Variants in SLC4A5 observed in about 807,000 individuals in gnomAD.
SLC4A5 encodes solute carrier family 4 member 5.
In SLC4A5, 96 loss-of-function variants were observed where a neutral mutation model predicts 120.4. That is an observed-to-expected ratio of 0.80 (90% CI 0.68 to 0.94). The LOEUF is 0.94. Among genes scored for constraint, SLC4A5 ranks in the 40% least tolerant of loss-of-function variants. The probability of loss-of-function intolerance (pLI) is 0.00; values close to 1 mark genes in which losing one functional copy is unlikely to be tolerated. For synonymous variants in SLC4A5, 550 were observed against 571.1 expected (o/e 0.96, Z 0.53); for missense variants, 1,259 against 1,459.5 (o/e 0.86, Z 2.24).
intron 28 of SLC4A5, among the ~76,000 whole-genome samples, chr2:74,224,513 G>A (rs575190002): frequency 6.6e-6 from 1 of 152,262 alleles, no homozygotes; most frequent in East Asian, 1.9e-4. Flanking sequence ...CTTCCATGCT[G>A]GAGCTGCCTC....
At chr2:74,229,132 C>T (rs1487731813) in intron 25 of SLC4A5, among the ~76,000 whole-genome samples, 4 of 34,314 alleles carry the variant, frequency 1.2e-4, no homozygotes, top group Admixed American at 4.1e-4. Flanking sequence ...GACAGAGTCT[C>T]GATATGTTGG....
At chr2:74,275,264 G>A (rs78421767) in intron 8 of SLC4A5, among the ~76,000 whole-genome samples, 1 of 152,192 alleles carries the variant, frequency 6.6e-6, no homozygotes, top group African/African-American at 2.4e-5. Flanking sequence ...TTTGGTGAAG[G>A]GTCCATCCTC....
At chr2:74,305,157 G>A (rs905777288) in intron 6 of SLC4A5, among the ~76,000 whole-genome samples, 3 of 152,096 alleles carry the variant, frequency 2.0e-5, no homozygotes, top group Non-Finnish European at 4.4e-5. Flanking sequence ...TCACAAAGCT[G>A]GCTTTGTAAA....
chr2:74,306,168 C>G (rs1245632034), intron 6 of SLC4A5, among the ~76,000 whole-genome samples: 1 of 152,212 alleles, frequency 6.6e-6, no homozygotes, highest in Non-Finnish European at 1.5e-5. Flanking sequence ...CCACCTAAAT[C>G]CAAAGGGCAT....
exon 6 of SLC4A5, chr2:74,314,983 T>G (rs1212383507): frequency 1.2e-6 from 2 of 1,613,990 alleles, no homozygotes; most frequent in South Asian, 2.2e-5. Context: ...GTTAGTGTGG[T>G]CCAGCTTTCC....
At chr2:74,329,064 G>T (rs1189538824) in intron 4 of SLC4A5, among the ~76,000 whole-genome samples, 1 of 152,106 alleles carries the variant, frequency 6.6e-6, no homozygotes, top group Non-Finnish European at 1.5e-5. Context: ...CCAGCCAAAA[G>T]GATGGCTGCT....
At position 74,252,165 on chromosome 2, in the gene SLC4A5, C is replaced by A; in HGVS notation, c.1478+14G>T. 6.2e-7 allele frequency: 1 copy of A among 1,610,726 alleles called. No homozygotes were observed. Among genetic ancestry groups the A allele is most frequent in the Non-Finnish European group, 8.5e-7 (1 of 1,178,702 alleles). ...AAAGGACAGCAGGGTCACTGGGAGG[C>A]CTGGGGTGGGCACCTTCCTGTCCAG... is the stretch of plus-strand genomic sequence containing the variant. On this transcript the variant is annotated intron_variant, in intron 16 of 30. Transcript: ENST00000394019.
chr2:74,276,514 G>A (rs1671644148), intron 8 of SLC4A5, among the ~76,000 whole-genome samples: 1 of 152,140 alleles, frequency 6.6e-6, no homozygotes, highest in South Asian at 2.1e-4. Context: ...ACAGAGATGG[G>A]GTGTGGTCTC....
intron 3 of SLC4A5, among the ~76,000 whole-genome samples, chr2:74,335,828 AAGACATC>A (rs1483848675): frequency 6.6e-6 from 1 of 152,230 alleles, no homozygotes; most frequent in Non-Finnish European, 1.5e-5. Flanking sequence ...AACACATAAT[AAGACATC>A]ATATTTCTGG....
intron 5 of SLC4A5, among the ~76,000 whole-genome samples, chr2:74,327,024 C>T (rs1673233572): frequency 6.6e-6 from 1 of 152,174 alleles, no homozygotes; most frequent in Non-Finnish European, 1.5e-5. Flanking sequence ...TCCACAAGGA[C>T]ACATCAATTC....
intron 7 of SLC4A5, among the ~76,000 whole-genome samples, chr2:74,298,611 A>C (rs1235857863): frequency 6.6e-6 from 1 of 152,222 alleles, no homozygotes; most frequent in Non-Finnish European, 1.5e-5. Context: ...ATGGCAAAGG[A>C]AACAATCAAC....
chr2:74,305,721 C>CT (rs35627197), intron 6 of SLC4A5, among the ~76,000 whole-genome samples: 6,642 of 115,356 alleles, frequency 0.058, 550 homozygotes, highest in African/African-American at 0.16. Context: ...CTTTTCTTTC[C>CT]TTTTTTTTTT....
At chr2:74,316,935 G>A (rs758842968) in intron 5 of SLC4A5, among the ~76,000 whole-genome samples, 6 of 152,220 alleles carry the variant, frequency 3.9e-5, no homozygotes, top group South Asian at 2.1e-4. Flanking sequence ...ACCTTCTAAC[G>A]TATAATGCCT....
intron 7 of SLC4A5, among the ~76,000 whole-genome samples, chr2:74,296,231 C>A (rs573620868): frequency 3.9e-4 from 59 of 152,132 alleles, no homozygotes; most frequent in Non-Finnish European, 7.4e-4. Context: ...TGTTAAAGGG[C>A]AAGAAGAGAG....
At chr2:74,236,856 C>T (rs1212243859) in intron 21 of SLC4A5, among the ~76,000 whole-genome samples, 2 of 152,168 alleles carry the variant, frequency 1.3e-5, no homozygotes, top group East Asian at 1.9e-4. Context: ...TTCCCACCTA[C>T]TGCTTTCCAT....
Position 74,255,639 on chromosome 2 carries a change from G to A in SLC4A5, c.1025+136C>T. The A allele has an allele frequency of 9.7e-7, 1 of 1,033,116 alleles. No individual in the cohort carries two copies. Among genetic ancestry groups the A allele is most frequent in the Non-Finnish European group, 1.4e-6 (1 of 719,974 alleles). 64.0% of individuals were successfully genotyped at this position (1,033,116 alleles called of 1,614,324 possible). ...AAACTCTAAAACTCTTCCCTAGTCA[G>A]AAGATTTCCCTTCCCAGCAGCCTCC... On this transcript the variant is annotated intron_variant, in intron 13 of 30. Coordinates refer to ENST00000394019, the Ensembl canonical transcript of SLC4A5. The surrounding 1 kb of genome is among the most constrained non-coding windows in gnomAD (Gnocchi z 4.0).
intron 25 of SLC4A5, among the ~76,000 whole-genome samples, chr2:74,230,698 G>T (rs545624306): frequency 6.6e-6 from 1 of 152,280 alleles, no homozygotes; most frequent in African/African-American, 2.4e-5. Flanking sequence ...TGGGATGGGT[G>T]GGAGAGAGGA....
chr2:74,249,146 C>T (rs1670712291), intron 17 of SLC4A5, among the ~76,000 whole-genome samples: 2 of 152,212 alleles, frequency 1.3e-5, no homozygotes, highest in African/African-American at 4.8e-5. Flanking sequence ...ACAATGAAAA[C>T]TGTCTCTAGA....
At position 74,307,993 on chromosome 2, in the gene SLC4A5, G is replaced by A. The variant is rs970656256; in HGVS notation, c.80-3313C>T. 18 of 553,472 alleles carry A rather than the reference G, an allele frequency of 3.3e-5. No individual in the cohort carries two copies. The East Asian group carries it at 5.1e-4, about 16-fold the overall frequency. 34.3% of individuals were successfully genotyped at this position (553,472 alleles called of 1,614,324 possible). A position where few individuals can be genotyped will look rare whatever the true frequency, so the allele number is the denominator to read the frequency against. ...CAGTAGTTGGAGGAGAAGGTGGAAC[G>A]AGTGGTGAAGCTCATGCTGTCCGGG... On this transcript the variant is annotated intron_variant, in intron 6 of 30. Coordinates refer to ENST00000394019, the Ensembl canonical transcript of SLC4A5.
Sources: gnomAD v4.1 joint callset for allele counts (sites outside exome capture counted in the v4.1 genomes callset) on GRCh38, gnomAD v4.1.1 for gene constraint, Gnocchi (gnomAD v3.1) non-coding constraint, MANE v1.5 for transcripts, NCBI Gene and HGNC (gene_info 2026-07-23, HGNC 2026-07-21) for gene names.